ANKS1B: variants seen among roughly 807,000 people sequenced by gnomAD.
The protein encoded by ANKS1B is ankyrin repeat and sterile alpha motif domain containing 1B.
In ANKS1B, 36 loss-of-function variants were observed where a neutral mutation model predicts 148.3. The ratio of observed to expected loss-of-function variants is 0.24; its 90% confidence interval spans 0.19 to 0.32. The LOEUF is 0.32. ANKS1B is among the 10% of genes least tolerant of loss of function. The pLI is 1.00. For synonymous variants in ANKS1B, 542 were observed against 560.8 expected (o/e 0.97, Z 0.47); for missense variants, 1,157 against 1,542.6 (o/e 0.75, Z 4.19).
chr12:98,871,864 G>A (rs188733651), intron 17 of ANKS1B, among the ~76,000 whole-genome samples: 106 of 152,244 alleles, frequency 7.0e-4, no homozygotes, highest in African/African-American at 2.4e-3. Context: ...AGCTTTCAAT[G>A]CAGTACTGAA....
intron 15 of ANKS1B, among the ~76,000 whole-genome samples, chr12:99,137,139 T>C (rs1444296952): frequency 1.3e-5 from 2 of 152,182 alleles, no homozygotes; most frequent in East Asian, 1.9e-4. Context: ...AGACTTCAGC[T>C]CCAAATACTG....
chr12:99,330,042 T>G (rs2087203668), intron 12 of ANKS1B, among the ~76,000 whole-genome samples: 2 of 151,932 alleles, frequency 1.3e-5, no homozygotes, highest in South Asian at 4.1e-4. Flanking sequence ...AAGAATTAAG[T>G]GTACACTAAT....
chr12:99,264,745 C>A (rs2076271975), intron 12 of ANKS1B, among the ~76,000 whole-genome samples: 4 of 152,030 alleles, frequency 2.6e-5, no homozygotes, highest in African/African-American at 7.2e-5. Flanking sequence ...CTTTTGGGGA[C>A]CTGGGATGAG....
At chr12:99,532,659 C>G (rs2097012753) in intron 9 of ANKS1B, among the ~76,000 whole-genome samples, 1 of 152,058 alleles carries the variant, frequency 6.6e-6, no homozygotes, top group African/African-American at 2.4e-5. Flanking sequence ...CACGCCTGGT[C>G]ACATTTAAGT....
chr12:99,907,009 T>C (rs1273077791), intron 1 of ANKS1B, among the ~76,000 whole-genome samples: 1 of 152,158 alleles, frequency 6.6e-6, no homozygotes, highest in Non-Finnish European at 1.5e-5. Context: ...AGGCAGAGCT[T>C]ACACACAAAC....
At chr12:99,424,772 C>T (rs889445115) in intron 11 of ANKS1B, among the ~76,000 whole-genome samples, 2 of 151,842 alleles carry the variant, frequency 1.3e-5, no homozygotes, top group African/African-American at 4.8e-5. Flanking sequence ...CTCCATACTT[C>T]CATATTTGAA....
At chr12:99,760,968 T>C (rs753075015) in intron 8 of ANKS1B, among the ~76,000 whole-genome samples, 25 of 139,738 alleles carry the variant, frequency 1.8e-4, no homozygotes, top group Non-Finnish European at 3.0e-4. Context: ...TTCCTGGAAA[T>C]ACACCATATC....
At chr12:99,550,896 A>G (rs915105229) in intron 9 of ANKS1B, among the ~76,000 whole-genome samples, 1 of 152,154 alleles carries the variant, frequency 6.6e-6, no homozygotes, top group Non-Finnish European at 1.5e-5. Context: ...CTTGCTGCTT[A>G]TCCTTGATTA....
At chr12:99,164,053 A>G (rs1382011546) in intron 14 of ANKS1B, among the ~76,000 whole-genome samples, 1 of 152,020 alleles carries the variant, frequency 6.6e-6, no homozygotes, top group African/African-American at 2.4e-5. Context: ...ACAAAATCTT[A>G]TTGCCTGTAT....
At chr12:99,239,846 C>A (rs998200206) in intron 14 of ANKS1B, among the ~76,000 whole-genome samples, 1 of 152,132 alleles carries the variant, frequency 6.6e-6, no homozygotes, top group South Asian at 2.1e-4. Flanking sequence ...GAAATAAAAT[C>A]CTTTACAGAC....
At chr12:98,943,215 G>T (rs1224383819) in intron 17 of ANKS1B, among the ~76,000 whole-genome samples, 1 of 152,158 alleles carries the variant, frequency 6.6e-6, no homozygotes, top group Non-Finnish European at 1.5e-5. Context: ...TGTTTGATAA[G>T]GTGGATTGGA....
chr12:99,016,695 G>A (rs904411869), intron 17 of ANKS1B, among the ~76,000 whole-genome samples: 6 of 151,686 alleles, frequency 4.0e-5, no homozygotes, highest in Non-Finnish European at 7.4e-5. Flanking sequence ...AAAAAAGAAG[G>A]AGATTACATA....
chr12:99,551,911 G>A (rs1052606815), intron 9 of ANKS1B, among the ~76,000 whole-genome samples: 1 of 152,008 alleles, frequency 6.6e-6, no homozygotes, highest in East Asian at 1.9e-4. Context: ...TCTGACTCCT[G>A]CTTGCCTCTC....
chr12:98,835,230 G>A (rs1443341947), intron 17 of ANKS1B, among the ~76,000 whole-genome samples: 2 of 152,074 alleles, frequency 1.3e-5, no homozygotes, highest in Non-Finnish European at 2.9e-5. Context: ...TTTTGGGCAG[G>A]TTACCTGACT....
chr12:99,622,475 G>A, intron 9 of ANKS1B, among the ~76,000 whole-genome samples: 1 of 151,368 alleles, frequency 6.6e-6, no homozygotes, highest in East Asian at 1.9e-4. Context: ...AAGGATAAAG[G>A]ATAAAAAAAT....
intron 1 of ANKS1B, among the ~76,000 whole-genome samples, chr12:99,835,879 C>G (rs557435481): frequency 6.6e-6 from 1 of 152,134 alleles, no homozygotes; most frequent in African/African-American, 2.4e-5. Flanking sequence ...CCATAGCACA[C>G]GTTTACCTAT....
intron 1 of ANKS1B, among the ~76,000 whole-genome samples, chr12:99,836,691 C>A (rs2084911794): frequency 6.6e-6 from 1 of 152,094 alleles, no homozygotes; most frequent in South Asian, 2.1e-4. Context: ...AAAACTAGAG[C>A]ATCTATTTTA....
At chr12:99,529,966 C>T (rs1596425002) in intron 9 of ANKS1B, among the ~76,000 whole-genome samples, 1 of 152,168 alleles carries the variant, frequency 6.6e-6, no homozygotes, top group Non-Finnish European at 1.5e-5. Flanking sequence ...TTCTTATTTA[C>T]TCTCTAAATT....
chr12:99,111,035 C>T (rs911583274), intron 15 of ANKS1B, among the ~76,000 whole-genome samples: 1 of 152,208 alleles, frequency 6.6e-6, no homozygotes, highest in Non-Finnish European at 1.5e-5. Flanking sequence ...AAGCTATCTG[C>T]CCGCACATCT....
Sources: gnomAD v4.1 joint callset for allele counts (sites outside exome capture counted in the v4.1 genomes callset) on GRCh38, gnomAD v4.1.1 for gene constraint, MANE v1.5 for transcripts, NCBI Gene and HGNC (gene_info 2026-07-23, HGNC 2026-07-21) for gene names.